The following PRR14L variants were observed in gnomAD, a reference collection of about 807,000 sequenced individuals.
The protein encoded by PRR14L is proline rich 14 like.
A neutral mutation model predicts 155.0 loss-of-function variants in PRR14L; 80 were observed. The ratio of observed to expected loss-of-function variants is 0.52; its 90% confidence interval spans 0.43 to 0.62. The LOEUF is 0.62. Among genes scored for constraint, PRR14L ranks in the 20% least tolerant of loss-of-function variants. The pLI, the probability that PRR14L is intolerant of heterozygous loss-of-function variation, is 0.00. For synonymous variants in PRR14L, 883 were observed against 916.0 expected (o/e 0.96, Z 0.65); for missense variants, 2,469 against 2,548.0 (o/e 0.97, Z 0.67).
intron 3 of PRR14L, among the ~76,000 whole-genome samples, 180 bp downstream of exon 3, chr22:31,725,358 C>G (rs1036578984): frequency 6.6e-6 from 1 of 152,080 alleles, no homozygotes; most frequent in Non-Finnish European, 1.5e-5. Flanking sequence ...GTGCACTGTG[C>G]AAGTACATCC....
chr22:31,718,391 G>C (rs1311035947), intron 3 of PRR14L, among the ~76,000 whole-genome samples: 1 of 152,072 alleles, frequency 6.6e-6, no homozygotes, highest in Non-Finnish European at 1.5e-5. Context: ...GAGTAGCTGG[G>C]ACTACAGACG....
At position 31,704,746 on chromosome 22, in the gene PRR14L, C is replaced by T; in HGVS notation, c.5757-20G>A. 2 of 1,605,084 alleles carry T rather than the reference C, an allele frequency of 1.2e-6. No individual in the cohort carries two copies. The highest frequency in any genetic ancestry group is 1.7e-6 in the Non-Finnish European group (2 of 1,172,028). On this transcript the variant is annotated intron_variant, in intron 4 of 8. Coordinates refer to ENST00000327423, the MANE Select transcript of PRR14L (RefSeq NM_173566.3). ...GTGTGGCTAAAGTAAAGCAAAAGTA[C>T]AAAAGCAATAGGTAAGGGCAGTGGG... is the stretch of plus-strand genomic sequence containing the variant.
Position 31,713,902 on chromosome 22 carries a change from G to C in PRR14L, c.3937C>G (p.His1313Asp), listed in dbSNP as rs572612867. The C allele has an allele frequency of 2.6e-6, 4 of 1,551,816 alleles. No homozygotes were observed. Among genetic ancestry groups the C allele is most frequent in the Admixed American group, 3.9e-5 (2 of 50,984 alleles). ...CVEKNACKACHPHENSSDRHL... is the reference protein window; with the variant it reads ...CVEKNACKACDPHENSSDRHL... ...CTGTCAGAGGAATTCTCGTGAGGGTGACAAGCTTTGCAAGCATTCTTTTCC... is the reference window on the plus strand; with the variant it reads ...CTGTCAGAGGAATTCTCGTGAGGGTCACAAGCTTTGCAAGCATTCTTTTCC... The change falls in exon 4 of 9, where the codon CAC becomes GAC. Residue 1313 changes from histidine (H) to aspartate (D), a missense_variant. His to Asp is a moderately conservative substitution (Grantham distance 81). Coordinates refer to ENST00000327423, the MANE Select transcript of PRR14L (RefSeq NM_173566.3).
chr22:31,697,118 A>AAAAC (rs147706528), intron 7 of PRR14L, among the ~76,000 whole-genome samples: 322 of 151,066 alleles, frequency 2.1e-3, no homozygotes, highest in African/African-American at 4.4e-3. Flanking sequence ...TCCTTCTCAA[A>AAAAC]AAACAAACAA....
chr22:31,731,050 A>G (rs951150531), intron 2 of PRR14L, among the ~76,000 whole-genome samples: 5 of 151,892 alleles, frequency 3.3e-5, no homozygotes, highest in Non-Finnish European at 2.9e-5. Flanking sequence ...TATCCCCATA[A>G]TTTTCTGAGC....
At chr22:31,700,879 A>C (rs1412128355) in intron 7 of PRR14L, among the ~76,000 whole-genome samples, 1 of 152,074 alleles carries the variant, frequency 6.6e-6, no homozygotes, top group Non-Finnish European at 1.5e-5. Context: ...AAGTGTTGGG[A>C]ATTCTTATTC....
chr22:31,729,506 C>T (rs139777497), intron 2 of PRR14L, among the ~76,000 whole-genome samples: 1,648 of 152,160 alleles, frequency 0.011, 28 homozygotes, highest in African/African-American at 0.036. Context: ...CGTGAGCCAC[C>T]ACGCCCGGCC....
At position 31,713,802 on chromosome 22, in the gene PRR14L, A is replaced by G. The variant is rs574937663; in HGVS notation, c.4037T>C (p.Leu1346Pro). 76 of 1,552,226 alleles carry G rather than the reference A, an allele frequency of 4.9e-5. No homozygotes were observed. In the Admixed American group the frequency reaches 8.0e-4, roughly 16 times the overall value. The change falls in exon 4 of 9, where the codon CTG (leucine) becomes CCG (proline). Residue 1346 changes from leucine (L) to proline (P), a missense_variant. This residue lies in a region of PRR14L where 2,363 missense variants were observed against 2,371.6 expected (regional missense o/e 1.00). Transcript: ENST00000327423. ...TTGCTCCCCAACAGTTAAGTAACCC[A>G]GTCGTCCCCTCTGATGCTCTTCGGT... Reference protein sequence around the residue: ...EETEEHQRGRLGYLTVGEQSE... With the variant: ...EETEEHQRGRPGYLTVGEQSE...
At chr22:31,698,046 A>G (rs1201797111) in intron 7 of PRR14L, among the ~76,000 whole-genome samples, 1 of 137,914 alleles carries the variant, frequency 7.3e-6, no homozygotes, top group African/African-American at 2.6e-5. Flanking sequence ...CTGATCCTAT[A>G]AGATGTTGTA....
intron 2 of PRR14L, among the ~76,000 whole-genome samples, chr22:31,735,818 G>A (rs1486002748): frequency 1.3e-5 from 2 of 151,830 alleles, no homozygotes; most frequent in Non-Finnish European, 1.5e-5. Flanking sequence ...GGAAGCTGAG[G>A]TGGGCGGATC....
chr22:31,696,524 T>C (rs941155964), intron 7 of PRR14L, among the ~76,000 whole-genome samples: 5 of 152,042 alleles, frequency 3.3e-5, no homozygotes, highest in African/African-American at 1.2e-4. Context: ...CCTCCCACCT[T>C]GGCCTCCCAA....
At chr22:31,735,205 C>T (rs1023153189) in intron 2 of PRR14L, among the ~76,000 whole-genome samples, 1 of 151,976 alleles carries the variant, frequency 6.6e-6, no homozygotes, top group Non-Finnish European at 1.5e-5. Context: ...TTTGGGAGGC[C>T]GAGGTGGGCG....
chr22:31,731,855 A>C (rs1016574144), intron 2 of PRR14L, among the ~76,000 whole-genome samples: 2 of 152,186 alleles, frequency 1.3e-5, no homozygotes, highest in Non-Finnish European at 2.9e-5. Flanking sequence ...TTGCTAAAGT[A>C]ATGTGGGCTA....
At chr22:31,724,658 A>G (rs913085995) in intron 3 of PRR14L, among the ~76,000 whole-genome samples, 4 of 152,196 alleles carry the variant, frequency 2.6e-5, no homozygotes, top group Admixed American at 1.3e-4. Flanking sequence ...CTGGCCTCCC[A>G]AAGTGCTGGG....
rs761657683 is a variant in PRR14L at position 31,716,970 on chromosome 22, G to C, written c.869C>G (p.Ser290Cys). The change falls in exon 4 of 9, where the codon TCT becomes TGT. Residue 290 changes from serine (S) to cysteine (C), a missense_variant. This residue lies in a region of PRR14L where 2,363 missense variants were observed against 2,371.6 expected (regional missense o/e 1.00). Coordinates refer to ENST00000327423, the MANE Select transcript of PRR14L (RefSeq NM_173566.3). ...CTCTTCCTTCCCATTGTCCACATTAGAAATGGCACTGTTTCCTGGTAATGA... is the reference window on the plus strand; with the variant it reads ...CTCTTCCTTCCCATTGTCCACATTACAAATGGCACTGTTTCCTGGTAATGA... ...WLSLPGNSAI[S>C]NVDNGKEELC... 10 of 1,551,750 alleles carry C rather than the reference G, an allele frequency of 6.4e-6. No individual in the cohort carries two copies. The highest frequency in any genetic ancestry group is 8.7e-6 in the Non-Finnish European group (10 of 1,146,968).
At chr22:31,743,389 G>A (rs1033799795) in intron 1 of PRR14L, among the ~76,000 whole-genome samples, 3 of 152,148 alleles carry the variant, frequency 2.0e-5, no homozygotes, top group African/African-American at 7.2e-5. Flanking sequence ...ATGTTCTAAA[G>A]TCAATTATGG....
chr22:31,740,281 A>G (rs931508113), intron 1 of PRR14L, among the ~76,000 whole-genome samples: 1 of 151,868 alleles, frequency 6.6e-6, no homozygotes, highest in African/African-American at 2.4e-5. Flanking sequence ...GTGCAGTGGC[A>G]TAATCTTGGC....
intron 6 of PRR14L, 41 bp from the exon 7 acceptor site, chr22:31,701,803 G>GACATTTTATTTAT: frequency 6.8e-7 from 1 of 1,476,622 alleles, no homozygotes; most frequent in East Asian, 2.3e-5. Context: ...CAAGCTGTAA[G>GACATTTTATTTAT]ACATTTTATT....
At chr22:31,745,755 G>A (rs113921335) in intron 1 of PRR14L, among the ~76,000 whole-genome samples, 107 of 151,506 alleles carry the variant, frequency 7.1e-4, no homozygotes, top group African/African-American at 2.5e-3. Flanking sequence ...GCTAAGGCAC[G>A]AGAATCGCTT....
Sources: gnomAD v4.1 joint callset for allele counts (sites outside exome capture counted in the v4.1 genomes callset) on GRCh38, gnomAD v4.1.1 for gene constraint, gnomAD v4.1.1 regional missense constraint, MANE v1.5 for transcripts, NCBI Gene and HGNC (gene_info 2026-07-23, HGNC 2026-07-21) for gene names.